The following CEP112 variants were observed in gnomAD, a reference collection of about 807,000 sequenced individuals.
The protein encoded by CEP112 is centrosomal protein 112.
A neutral mutation model predicts 153.0 loss-of-function variants in CEP112; 127 were observed. That is an observed-to-expected ratio of 0.83 (90% CI 0.72 to 0.96). The LOEUF (loss-of-function observed/expected upper bound fraction) is 0.96, where lower values mean the gene tolerates loss of function less well. CEP112 is among the 40% of genes least tolerant of loss of function. CEP112 has a pLI of 0.00. For synonymous variants in CEP112, 358 were observed against 374.4 expected, an observed-to-expected ratio of 0.96 and a Z score of 0.51; for missense variants, 1,089 against 1,101.2, an observed-to-expected ratio of 0.99 and a Z score of 0.16.
chr17:65,965,306 G>A (rs2062368406), intron 17 of CEP112, among the ~76,000 whole-genome samples: 1 of 152,024 alleles, frequency 6.6e-6, no homozygotes, highest in Non-Finnish European at 1.5e-5. Flanking sequence ...TTTCTACCCT[G>A]ATTTACAAAT....
At position 65,641,075 on chromosome 17, in the gene CEP112, A is replaced by G. The variant is rs538229661; in HGVS notation, c.2698-10T>C. ...GTCGTATGTAAGTTATCTAAATTGGAAAAAAATTAAGAGTTATCTTTTTAC... is the reference window on the plus strand; with the variant it reads ...GTCGTATGTAAGTTATCTAAATTGGGAAAAAATTAAGAGTTATCTTTTTAC... On this transcript the variant is annotated splice_polypyrimidine_tract_variant and intron_variant, in intron 24 of 26. Transcript: ENST00000535342. 5.6e-6 allele frequency: 8 copies of G among 1,419,866 alleles called. No homozygotes were observed. The African/African-American group carries it at 9.8e-5, about 17-fold the overall frequency. The allele number at this position is 1,419,866 out of a possible 1,614,324, so 88.0% of individuals were successfully genotyped here.
intron 19 of CEP112, among the ~76,000 whole-genome samples, chr17:65,923,729 C>T (rs770510681): frequency 2.6e-5 from 4 of 152,006 alleles, no homozygotes; most frequent in Non-Finnish European, 5.9e-5. Context: ...TAACCCTAAC[C>T]CATAATACCA....
chr17:65,823,272 C>G (rs962966054), intron 21 of CEP112, among the ~76,000 whole-genome samples: 3 of 152,078 alleles, frequency 2.0e-5, no homozygotes, highest in Non-Finnish European at 1.5e-5. Context: ...TACTACCTAT[C>G]TCTAAGACTG....
Position 66,183,181 on chromosome 17 carries a change from A to G in CEP112, c.106+13T>C, listed in dbSNP as rs564890959. On this transcript the variant is annotated intron_variant, in intron 2 of 26. Coordinates refer to ENST00000535342, the MANE Select transcript of CEP112 (RefSeq NM_001199165.4). ...ATTAATCTTAAGAATCTAATCTTCA[A>G]ACATAATCTTACCTGTCCTATGAGG... The G allele has an allele frequency of 7.9e-6, 12 of 1,516,300 alleles. No individual in the cohort carries two copies. In the African/African-American group the frequency reaches 1.3e-4, roughly 16 times the overall value. 93.9% of individuals were successfully genotyped at this position (1,516,300 alleles called of 1,614,324 possible).
intron 16 of CEP112, among the ~76,000 whole-genome samples, chr17:66,021,689 G>C (rs903250832): frequency 6.6e-6 from 1 of 152,068 alleles, no homozygotes; most frequent in African/African-American, 2.4e-5. Flanking sequence ...CTTATCTCCA[G>C]CCACCTGCTG....
chr17:65,821,484 T>TTA (rs1491314993), intron 21 of CEP112, among the ~76,000 whole-genome samples: 52 of 130,130 alleles, frequency 4.0e-4, no homozygotes, highest in African/African-American at 1.3e-3. Context: ...ATTATTAAAC[T>TTA]TATATATATA....
intron 6 of CEP112, among the ~76,000 whole-genome samples, chr17:66,122,858 T>A (rs1036541375): frequency 6.6e-6 from 1 of 152,198 alleles, no homozygotes; most frequent in Non-Finnish European, 1.5e-5. Context: ...GTGAATGTAC[T>A]AGCCTGTGGT....
chr17:66,018,828 A>G (rs2064878864), intron 16 of CEP112, among the ~76,000 whole-genome samples: 1 of 152,214 alleles, frequency 6.6e-6, no homozygotes, highest in Admixed American at 6.5e-5. Flanking sequence ...AGTACATTTT[A>G]GAACGTAGGT....
intron 17 of CEP112, among the ~76,000 whole-genome samples, chr17:65,972,712 A>G (rs2062887737): frequency 6.6e-6 from 1 of 152,240 alleles, no homozygotes; most frequent in Admixed American, 6.5e-5. Flanking sequence ...CAGATTTTAT[A>G]TGTGTTAAAA....
chr17:65,905,948 A>G (rs979410136), intron 19 of CEP112, among the ~76,000 whole-genome samples: 1 of 152,038 alleles, frequency 6.6e-6, no homozygotes, highest in Non-Finnish European at 1.5e-5. Context: ...CCGTCTCAAA[A>G]AAAAAAAAGA....
chr17:65,686,405 T>C (rs2047794367), intron 24 of CEP112, among the ~76,000 whole-genome samples: 1 of 152,240 alleles, frequency 6.6e-6, no homozygotes, highest in Non-Finnish European at 1.5e-5. Flanking sequence ...GATTTCTTAA[T>C]TTCCCTACTC....
At chr17:65,976,987 C>CT (rs1218955861) in intron 17 of CEP112, among the ~76,000 whole-genome samples, 1 of 152,094 alleles carries the variant, frequency 6.6e-6, no homozygotes, top group Non-Finnish European at 1.5e-5. Flanking sequence ...ATCCGCCCGC[C>CT]TAGGGCTCCC....
chr17:66,182,955 T>C (rs2072777545), intron 2 of CEP112, among the ~76,000 whole-genome samples: 1 of 152,166 alleles, frequency 6.6e-6, no homozygotes, highest in South Asian at 2.1e-4. Context: ...CCATGTGCTA[T>C]AAGTTCATGA....
chr17:66,083,311 C>T (rs1397349575), intron 8 of CEP112, among the ~76,000 whole-genome samples: 2 of 152,144 alleles, frequency 1.3e-5, no homozygotes, highest in Admixed American at 1.3e-4. Context: ...CCTCTTTTGC[C>T]TTCTGCCATG....
At chr17:66,038,489 T>C (rs937716727) in intron 12 of CEP112, among the ~76,000 whole-genome samples, 1 of 152,166 alleles carries the variant, frequency 6.6e-6, no homozygotes, top group African/African-American at 2.4e-5. Flanking sequence ...AACAACAACA[T>C]TTGCCAAATT....
chr17:65,825,211 A>G (rs2056781137), intron 21 of CEP112, among the ~76,000 whole-genome samples: 1 of 152,250 alleles, frequency 6.6e-6, no homozygotes, highest in Non-Finnish European at 1.5e-5. Flanking sequence ...CATTATGGTA[A>G]GTGAAATAAG....
At chr17:66,121,492 GT>G (rs139530364) in intron 6 of CEP112, among the ~76,000 whole-genome samples, 1 of 152,072 alleles carries the variant, frequency 6.6e-6, no homozygotes, top group Non-Finnish European at 1.5e-5. Flanking sequence ...ACATATGTTG[GT>G]GCACTTATGG....
At chr17:66,019,491 A>G (rs910996964) in intron 16 of CEP112, among the ~76,000 whole-genome samples, 2 of 152,210 alleles carry the variant, frequency 1.3e-5, no homozygotes, top group Non-Finnish European at 2.9e-5. Flanking sequence ...AGAAAGAAAA[A>G]CAGATGTCAA....
intron 21 of CEP112, among the ~76,000 whole-genome samples, chr17:65,831,003 A>C (rs2057053261): frequency 6.6e-6 from 1 of 152,230 alleles, no homozygotes; most frequent in Non-Finnish European, 1.5e-5. Context: ...GCTCACTATA[A>C]GTCTTCCCCA....
Sources: allele counts gnomAD v4.1 joint callset (sites outside exome capture counted in the v4.1 genomes callset), GRCh38; gene constraint gnomAD v4.1.1; transcripts MANE v1.5; gene names NCBI Gene and HGNC (gene_info 2026-07-23, HGNC 2026-07-21).